Variants in POLD3 observed in about 807,000 individuals in gnomAD.
POLD3 encodes DNA polymerase delta subunit 3.
A neutral mutation model predicts 58.2 loss-of-function variants in POLD3; 19 were observed. That is an observed-to-expected ratio of 0.33 (90% CI 0.23 to 0.48). The LOEUF (loss-of-function observed/expected upper bound fraction) is 0.48. Among genes scored for constraint, POLD3 ranks in the 20% least tolerant of loss-of-function variants. POLD3 has a pLI of 0.99. For synonymous variants in POLD3, 172 were observed against 193.5 expected (o/e 0.89, Z 0.92); for missense variants, 504 against 545.5 (o/e 0.92, Z 0.76).
chr11:74,600,211 TG>T (rs1260660096), intron 2 of POLD3, among the ~76,000 whole-genome samples: 1 of 152,194 alleles, frequency 6.6e-6, no homozygotes, highest in Non-Finnish European at 1.5e-5. Flanking sequence ...CCTAACATGC[TG>T]GGATTACAGG....
rs191982674 is a variant in POLD3, at chr11:74,622,489, T to G, written c.733+2400T>G. Reference sequence around the variant, plus strand: ...GGAAAACCTGGATAAAATAAAATACTATTAAATATTAATCTAAAAATTGCT... The same window carrying G: ...GGAAAACCTGGATAAAATAAAATACGATTAAATATTAATCTAAAAATTGCT... On this transcript the variant is annotated intron_variant, in intron 7 of 11. Coordinates refer to ENST00000263681, the MANE Select transcript of POLD3 (RefSeq NM_006591.3). 2.8e-3 allele frequency among the ~76,000 whole-genome samples: 422 copies of G among 152,344 alleles called. 1 individual carries two copies. The highest frequency in any genetic ancestry group is 8.3e-3 in the South Asian group (40 of 4,834).
At chr11:74,598,402 A>G (rs117827564) in intron 2 of POLD3, among the ~76,000 whole-genome samples, 5,047 of 152,320 alleles carry the variant, frequency 0.033, 128 homozygotes, top group Non-Finnish European at 0.052. Flanking sequence ...CTATGAAGGC[A>G]GGAAACTTGT....
At chr11:74,634,522 G>A (rs1178980705) in intron 9 of POLD3, 61 bp from the exon 10 acceptor site, 3 of 906,740 alleles carry the variant, frequency 3.3e-6, no homozygotes, top group Non-Finnish European at 5.6e-6. Context: ...AACCAATGGA[G>A]AAGGCTTTAT....
At chr11:74,596,252 C>G (rs941433974) in intron 2 of POLD3, among the ~76,000 whole-genome samples, 1 of 150,170 alleles carries the variant, frequency 6.7e-6, no homozygotes, top group African/African-American at 2.5e-5. Flanking sequence ...GGCGTGATCT[C>G]GGCTCACTGC....
chr11:74,600,031 C>T (rs1406983963), intron 2 of POLD3, among the ~76,000 whole-genome samples: 3 of 151,826 alleles, frequency 2.0e-5, no homozygotes, highest in East Asian at 2.0e-4. Flanking sequence ...CTGCAACCTC[C>T]GCCTTTAGAA....
Position 74,642,518 on chromosome 11 carries a change from T to G in POLD3, c.*1752T>G. The G allele has an allele frequency of 1.0e-6, 1 of 985,010 alleles. No homozygotes were observed. The allele number at this position is 985,010 out of a possible 1,614,324, so 61.0% of individuals were successfully genotyped here. On this transcript the variant is annotated 3_prime_UTR_variant, in exon 12 of 12. Transcript: ENST00000263681. ...ATTATGCTGGGGTCTCGACTAAAAC[T>G]GAATTTGAATTGGAAAATTCTGGTG...
chr11:74,665,184 G>T (rs192798202), intron 4 of POLD3, among the ~76,000 whole-genome samples: 1 of 149,832 alleles, frequency 6.7e-6, no homozygotes, highest in Non-Finnish European at 1.5e-5. Flanking sequence ...TTGGCATGGG[G>T]CTGCATGCCT....
chr11:74,654,946 T>C (rs759365100), intron 4 of POLD3, among the ~76,000 whole-genome samples: 3 of 152,210 alleles, frequency 2.0e-5, no homozygotes, highest in Non-Finnish European at 4.4e-5. Flanking sequence ...TTCGATAAGC[T>C]GCCACATATC....
At chr11:74,621,519 C>A (rs996782167) in intron 7 of POLD3, among the ~76,000 whole-genome samples, 1 of 146,736 alleles carries the variant, frequency 6.8e-6, no homozygotes, top group African/African-American at 2.5e-5. Flanking sequence ...CTGTCACTGA[C>A]CTGCCTGGCT....
intron 2 of POLD3, among the ~76,000 whole-genome samples, chr11:74,600,791 C>T (rs2031467452): frequency 6.9e-6 from 1 of 143,910 alleles, no homozygotes; most frequent in Non-Finnish European, 1.5e-5. Flanking sequence ...GATCCCAGCT[C>T]ACTGCAACCT....
intron 4 of POLD3, among the ~76,000 whole-genome samples, chr11:74,666,959 TAAA>T (rs34863947): frequency 0.42 from 57,938 of 137,270 alleles, 12,560 homozygotes; most frequent in Non-Finnish European, 0.53. Context: ...TTAAAGTTGC[TAAA>T]AAAAAAAAAA....
chr11:74,592,593 C>T lies in POLD3; in HGVS notation c.-66C>T, dbSNP rs1406504662. ...ACCTGGGAGGGAGCAAAGACGTTTC[C>T]CGCCGGCGGGAGCTGTGGCTGTGAT... On this transcript the variant is annotated 5_prime_UTR_variant, in exon 1 of 12. Coordinates refer to ENST00000263681, the MANE Select transcript of POLD3 (RefSeq NM_006591.3). The T allele has an allele frequency of 6.3e-7, 1 of 1,597,116 alleles. No individual in the cohort carries two copies. The highest frequency in any genetic ancestry group is 8.6e-7 in the Non-Finnish European group (1 of 1,169,002).
In POLD3 at chr11:74,668,851, AGGTAG is replaced by A; in HGVS notation, c.*2_*6del. On this transcript the variant is annotated frameshift_variant and stop_lost, in exon 5 of 5. Transcript: ENST00000524752. LOFTEE classifies it high-confidence loss of function. ...GGAAATGCCCATCCAGCGGTTGGAG[AGGTAG>A]GGTAGGATCTGAAGATCTCAAGCCT... 8.4e-7 allele frequency: 1 copy of A among 1,194,838 alleles called. No homozygotes were observed. The highest frequency in any genetic ancestry group is 1.1e-6 in the Non-Finnish European group (1 of 904,134). The allele number at this position is 1,194,838 out of a possible 1,614,324, so 74.0% of individuals were successfully genotyped here.
At chr11:74,628,368 T>C (rs1274452660) in intron 8 of POLD3, among the ~76,000 whole-genome samples, 1 of 152,200 alleles carries the variant, frequency 6.6e-6, no homozygotes, top group Non-Finnish European at 1.5e-5. Context: ...CTTTATTGTT[T>C]CCTTTTACTT....
chr11:74,640,254 G>A (rs2032874217), intron 11 of POLD3, among the ~76,000 whole-genome samples: 1 of 152,200 alleles, frequency 6.6e-6, no homozygotes, highest in African/African-American at 2.4e-5. Context: ...GCCAGCATAG[G>A]CCAGGACCCA....
At chr11:74,631,477 C>CTTTTTTTT (rs1158260012) in intron 9 of POLD3, among the ~76,000 whole-genome samples, 2 of 110,294 alleles carry the variant, frequency 1.8e-5, no homozygotes, top group Non-Finnish European at 3.6e-5. Context: ...TTTGTCTTGT[C>CTTTTTTTT]TTTTTTTTTT....
chr11:74,600,710 CTT>C (rs57206403), intron 2 of POLD3, among the ~76,000 whole-genome samples: 36,671 of 63,346 alleles, frequency 0.58, 9,304 homozygotes, highest in Middle Eastern at 0.66. Flanking sequence ...GAATTCTTTC[CTT>C]TTTTTTTTTT....
chr11:74,662,722 C>T (rs918885153), intron 4 of POLD3, among the ~76,000 whole-genome samples: 1 of 152,152 alleles, frequency 6.6e-6, no homozygotes, highest in African/African-American at 2.4e-5. Context: ...GGTCCACAAG[C>T]TCCAAGCCCA....
At chr11:74,639,852 A>G (rs150097320) in intron 11 of POLD3, among the ~76,000 whole-genome samples, 257 of 152,342 alleles carry the variant, frequency 1.7e-3, no homozygotes, top group South Asian at 0.015. Flanking sequence ...TTGTTTCTCA[A>G]TTTATCACTG....
Sources: allele counts gnomAD v4.1 joint callset (sites outside exome capture counted in the v4.1 genomes callset), GRCh38; gene constraint gnomAD v4.1.1; transcripts MANE v1.5; gene names NCBI Gene and HGNC (gene_info 2026-07-23, HGNC 2026-07-21).